The following UBE2E3 variants were observed in gnomAD, a reference collection of about 807,000 sequenced individuals.
UBE2E3 encodes the protein ubiquitin conjugating enzyme E2 E3, also known as ubiquitin-conjugating enzyme E2 E3.
A neutral mutation model predicts 23.6 loss-of-function variants in UBE2E3; 5 were observed. The ratio of observed to expected loss-of-function variants is 0.21; its 90% confidence interval spans 0.11 to 0.44. UBE2E3 has a LOEUF of 0.44. Among genes scored for constraint, UBE2E3 ranks in the 20% least tolerant of loss-of-function variants. The pLI is 0.99. For missense variants in UBE2E3, 81 were observed against 249.8 expected (o/e 0.32, Z 4.55); for synonymous variants, 78 against 87.5 (o/e 0.89, Z 0.60).
At chr2:181,005,624 C>G (rs761460090) in intron 3 of UBE2E3, among the ~76,000 whole-genome samples, 1 of 150,860 alleles carries the variant, frequency 6.6e-6, no homozygotes, top group Non-Finnish European at 1.5e-5. Context: ...ATTTATATTA[C>G]CTGTGTGGCA....
Position 181,062,721 on chromosome 2 carries a change from T to C in UBE2E3, c.527-70T>C, listed in dbSNP as rs534136046. 5 of 776,924 alleles carry C rather than the reference T, an allele frequency of 6.4e-6. No individual in the cohort carries two copies. The African/African-American group carries it at 8.9e-5, about 14-fold the overall frequency. 48.1% of individuals were successfully genotyped at this position (776,924 alleles called of 1,614,324 possible). ...CTGAAAAATAAGCATTTCATTTTAATAGAATATTAGAACTATACCTTGAAG... is the reference window on the plus strand; with the variant it reads ...CTGAAAAATAAGCATTTCATTTTAACAGAATATTAGAACTATACCTTGAAG... On this transcript the variant is annotated intron_variant, in intron 5 of 5. Coordinates refer to ENST00000410062, the MANE Select transcript of UBE2E3 (RefSeq NM_006357.4).
At position 180,996,914 on chromosome 2, in the gene UBE2E3, C is replaced by T. The variant is rs529166783; in HGVS notation, c.245+12821C>T. Among the ~76,000 whole-genome samples the T allele has an allele frequency of 7.4e-4, 112 of 152,244 alleles. 3 individuals carry two copies. The South Asian group carries it at 0.022, about 30-fold the overall frequency. ...TAGCCCTTTAGTTTTTACACCTCCCCGCAATTCTGAACCCTCATAGTACAT... is the reference window on the plus strand; with the variant it reads ...TAGCCCTTTAGTTTTTACACCTCCCTGCAATTCTGAACCCTCATAGTACAT... On this transcript the variant is annotated intron_variant, in intron 3 of 5. Transcript: ENST00000410062.
intron 3 of UBE2E3, among the ~76,000 whole-genome samples, chr2:181,051,926 A>C (rs1195126719): frequency 6.6e-6 from 1 of 151,898 alleles, no homozygotes; most frequent in African/African-American, 2.4e-5. Context: ...TCTGTTTTTA[A>C]GTCAAAAATA....
At chr2:181,030,194 A>G (rs937088308) in intron 3 of UBE2E3, among the ~76,000 whole-genome samples, 3 of 151,990 alleles carry the variant, frequency 2.0e-5, no homozygotes, top group Non-Finnish European at 4.4e-5. Context: ...GCCTTATGTA[A>G]ACTCTTCATT....
At chr2:181,037,605 A>G (rs1686338108) in intron 3 of UBE2E3, among the ~76,000 whole-genome samples, 1 of 152,130 alleles carries the variant, frequency 6.6e-6, no homozygotes, top group African/African-American at 2.4e-5. Context: ...GTACAGCTAT[A>G]CACTGTGTTT....
chr2:181,036,129 A>G (rs1408378462), intron 3 of UBE2E3, among the ~76,000 whole-genome samples: 1 of 152,226 alleles, frequency 6.6e-6, no homozygotes, highest in Non-Finnish European at 1.5e-5. Context: ...CAAAGAAAGA[A>G]CGAAGTTGGA....
intron 3 of UBE2E3, among the ~76,000 whole-genome samples, chr2:180,988,233 A>C (rs375423737): frequency 6.6e-6 from 1 of 152,146 alleles, no homozygotes; most frequent in Admixed American, 6.5e-5. Flanking sequence ...ATGTGCTCTC[A>C]CTGTTGCTGG....
intron 2 of UBE2E3, 78 bp from the exon 3 acceptor site, chr2:180,983,965 G>A (rs1684379273): frequency 1.7e-6 from 2 of 1,155,654 alleles, no homozygotes; most frequent in South Asian, 3.2e-5. Context: ...ACTGCATGGT[G>A]GTAGAGGGCA....
intron 3 of UBE2E3, among the ~76,000 whole-genome samples, chr2:181,012,611 A>G (rs994626849): frequency 2.0e-5 from 3 of 152,220 alleles, no homozygotes; most frequent in Admixed American, 1.3e-4. Flanking sequence ...TTTGTTATCT[A>G]TGAAGCCGGT....
intron 3 of UBE2E3, among the ~76,000 whole-genome samples, chr2:181,018,844 T>C (rs114385887): frequency 0.015 from 2,216 of 152,258 alleles, 57 homozygotes; most frequent in African/African-American, 0.05. Context: ...GGGAGTGTTA[T>C]TTTCCTCATA....
At position 181,009,706 on chromosome 2, in the gene UBE2E3, G is replaced by C. The variant is rs559514767; in HGVS notation, c.245+25613G>C. Reference sequence around the variant, plus strand: ...GTTTGTTTTTCTAACTTCTACTTAAGTGATAATTGTGACAATTTCTTCTGA... The same window carrying C: ...GTTTGTTTTTCTAACTTCTACTTAACTGATAATTGTGACAATTTCTTCTGA... On this transcript the variant is annotated intron_variant, in intron 3 of 5. Coordinates refer to ENST00000410062, the MANE Select transcript of UBE2E3 (RefSeq NM_006357.4). Among the ~76,000 whole-genome samples the C allele has an allele frequency of 3.3e-5, 5 of 152,040 alleles. No individual in the cohort carries two copies. In the East Asian group the frequency reaches 9.7e-4, roughly 29 times the overall value.
chr2:181,001,231 AT>A (rs1466827447), intron 3 of UBE2E3, among the ~76,000 whole-genome samples: 1 of 152,214 alleles, frequency 6.6e-6, no homozygotes, highest in Non-Finnish European at 1.5e-5. Flanking sequence ...GAGTTACTAC[AT>A]TTAATGTAAA....
chr2:181,014,093 A>AT (rs112386847), intron 3 of UBE2E3, among the ~76,000 whole-genome samples: 42 of 152,258 alleles, frequency 2.8e-4, no homozygotes, highest in African/African-American at 9.4e-4. Flanking sequence ...GGTGAAGGAG[A>AT]TGTATATGTC....
chr2:181,012,732 T>A (rs1374156120), intron 3 of UBE2E3, among the ~76,000 whole-genome samples: 1 of 152,204 alleles, frequency 6.6e-6, no homozygotes, highest in African/African-American at 2.4e-5. Context: ...TATTTAGTTG[T>A]AATTACAATC....
intron 3 of UBE2E3, among the ~76,000 whole-genome samples, chr2:181,016,716 T>C (rs553158821): frequency 6.6e-6 from 1 of 152,246 alleles, no homozygotes; most frequent in African/African-American, 2.4e-5. Flanking sequence ...ACGACTATTA[T>C]GATTTACTAG....
intron 3 of UBE2E3, among the ~76,000 whole-genome samples, chr2:180,990,853 C>T (rs969234128): frequency 1.3e-5 from 2 of 152,156 alleles, no homozygotes; most frequent in African/African-American, 4.8e-5. Context: ...ATCATTATGA[C>T]AATACACAAG....
chr2:180,992,982 T>A (rs550699267), intron 3 of UBE2E3, among the ~76,000 whole-genome samples: 1 of 152,330 alleles, frequency 6.6e-6, no homozygotes, highest in Non-Finnish European at 1.5e-5. Context: ...ATATATTTCA[T>A]TTTAAATTGA....
intron 3 of UBE2E3, among the ~76,000 whole-genome samples, chr2:180,989,456 C>A (rs1684585922): frequency 6.6e-6 from 1 of 152,126 alleles, no homozygotes; most frequent in Admixed American, 6.5e-5. Flanking sequence ...CCTATACATT[C>A]TTTACCTTTT....
At chr2:181,035,877 A>C (rs1415580367) in intron 3 of UBE2E3, among the ~76,000 whole-genome samples, 1 of 152,166 alleles carries the variant, frequency 6.6e-6, no homozygotes, top group African/African-American at 2.4e-5. Flanking sequence ...TTTTACTCAT[A>C]ATTTAATGGC....
Sources: gnomAD v4.1 joint callset for allele counts (sites outside exome capture counted in the v4.1 genomes callset) on GRCh38, gnomAD v4.1.1 for gene constraint, MANE v1.5 for transcripts, NCBI Gene and HGNC (gene_info 2026-07-23, HGNC 2026-07-21) for gene names.